The following PDE10A variants were observed in gnomAD, a reference collection of about 807,000 sequenced individuals.
PDE10A encodes the protein cAMP and cAMP-inhibited cGMP 3',5'-cyclic phosphodiesterase 10A.
PDE10A carries 39 observed loss-of-function variants against 97.7 expected under a neutral mutation model. The observed-to-expected ratio is 0.40, with a 90% CI of 0.31 to 0.52. The LOEUF (loss-of-function observed/expected upper bound fraction) is 0.52, where lower values mean the gene tolerates loss of function less well. Ranked by LOEUF, PDE10A falls within the 20% of genes least tolerant of loss-of-function variation. The probability of loss-of-function intolerance (pLI) is 0.56; values close to 1 mark genes in which losing one functional copy is unlikely to be tolerated. For synonymous variants in PDE10A, 371 were observed against 376.8 expected (o/e 0.98, Z 0.18); for missense variants, 731 against 1,047.8 (o/e 0.70, Z 4.17).
intron 1 of PDE10A, among the ~76,000 whole-genome samples, chr6:165,544,018 C>T (rs775766091): frequency 6.6e-6 from 1 of 152,074 alleles, no homozygotes; most frequent in African/African-American, 2.4e-5. Context: ...AGAACCAATG[C>T]TGTACATTAA....
chr6:165,402,595 T>C (rs1240929159), intron 13 of PDE10A, among the ~76,000 whole-genome samples: 5 of 152,126 alleles, frequency 3.3e-5, no homozygotes, highest in African/African-American at 1.2e-4. Flanking sequence ...AGAAGAGAAT[T>C]CTAGCAGAAA....
At chr6:165,343,956 G>T (rs994826358) in intron 18 of PDE10A, among the ~76,000 whole-genome samples, 2 of 152,182 alleles carry the variant, frequency 1.3e-5, no homozygotes, top group Non-Finnish European at 2.9e-5. Context: ...CTTTTCTAAA[G>T]GGACAGGAAT....
chr6:165,695,194 C>G (rs973838210), intron 1 of PDE10A, among the ~76,000 whole-genome samples: 1 of 148,156 alleles, frequency 6.7e-6, no homozygotes, highest in Non-Finnish European at 1.5e-5. Context: ...CCCCAGTGAG[C>G]CTGGTGAAAA....
intron 2 of PDE10A, among the ~76,000 whole-genome samples, chr6:165,520,501 G>A (rs1782066443): frequency 1.3e-5 from 2 of 152,164 alleles, no homozygotes; most frequent in Non-Finnish European, 2.9e-5. Flanking sequence ...GGATGGGCAT[G>A]AGGACAGCTA....
At position 165,876,186 on chromosome 6, in the gene PDE10A, G is replaced by T. The variant is rs555543880; in HGVS notation, c.-615+111343C>A. Among the ~76,000 whole-genome samples, 9 of 152,304 alleles carry T rather than the reference G, an allele frequency of 5.9e-5. 1 individual carries two copies. In the South Asian group the frequency reaches 1.9e-3, roughly 32 times the overall value. ...CTGTTAACAACAGCCTGGGTTTCCT[G>T]AGGCTGCAAGACCAGCAAGAAGGGG... On this transcript the variant is annotated intron_variant, in intron 1 of 19. Transcript: ENST00000366882.
intron 1 of PDE10A, among the ~76,000 whole-genome samples, chr6:165,982,968 C>T (rs1035433403): frequency 1.5e-4 from 23 of 152,146 alleles, no homozygotes; most frequent in African/African-American, 5.6e-4. Context: ...ATAAGTTTAA[C>T]ATTTTATGCT....
exon 1 of PDE10A, chr6:165,987,563 C>T (rs989596834): frequency 7.7e-6 from 3 of 387,970 alleles, no homozygotes; most frequent in Non-Finnish European, 1.0e-5. Context: ...ATCTGCTTTC[C>T]GCTTCATTTC....
intron 1 of PDE10A, among the ~76,000 whole-genome samples, chr6:165,703,800 G>A (rs534096739): frequency 3.9e-5 from 6 of 152,288 alleles, no homozygotes; most frequent in African/African-American, 1.2e-4. Context: ...AGTCCCCCCA[G>A]TAATCAGCTA....
intron 1 of PDE10A, chr6:165,660,139 C>G (rs1790166719): frequency 6.6e-6 from 1 of 152,328 alleles, no homozygotes; most frequent in African/African-American, 2.4e-5. Flanking sequence ...AGGAGGAACC[C>G]CAGTCCTAGA....
At chr6:165,698,996 T>C (rs1791505773) in intron 1 of PDE10A, among the ~76,000 whole-genome samples, 1 of 152,180 alleles carries the variant, frequency 6.6e-6, no homozygotes, top group Non-Finnish European at 1.5e-5. Flanking sequence ...TCAACTATGT[T>C]AATAATAACA....
intron 3 of PDE10A, among the ~76,000 whole-genome samples, chr6:165,479,425 C>G (rs60916470): frequency 0.083 from 12,597 of 152,250 alleles, 659 homozygotes; most frequent in East Asian, 0.26. Flanking sequence ...CTCTGCAGTT[C>G]CTGTCTCCTC....
In PDE10A at chr6:165,913,273, TACACACACACACACACACAC is replaced by T. The variant is rs58740333; in HGVS notation, c.-615+74236_-615+74255del. On this transcript the variant is annotated intron_variant, in intron 1 of 19. Transcript: ENST00000366882. ...ATGTTGAATAAGGACACTCAACTTG[TACACACACACACACACACAC>T]ACACACACACACACACAGAGTCATC... Among the ~76,000 whole-genome samples, 4 of 147,906 alleles carry T rather than the reference TACACACACACACACACACAC, an allele frequency of 2.7e-5. No individual in the cohort carries two copies. In the South Asian group the frequency reaches 8.7e-4, roughly 32 times the overall value.
chr6:165,623,488 G>A (rs1035865242), intron 1 of PDE10A, among the ~76,000 whole-genome samples: 31 of 143,758 alleles, frequency 2.2e-4, no homozygotes, highest in African/African-American at 8.5e-4. Context: ...AGGAATTGAT[G>A]ACAGAGGGAG....
rs566916297 is a variant in PDE10A, at chr6:165,768,036, G to A, written c.-615+219493C>T. Reference sequence around the variant, plus strand: ...GATTTGTATTTCCGTAAAGACTGATGATGTTGAGCATTTTTTCATGTGCCT... The same window carrying A: ...GATTTGTATTTCCGTAAAGACTGATAATGTTGAGCATTTTTTCATGTGCCT... On this transcript the variant is annotated intron_variant, in intron 1 of 19. Coordinates refer to the PDE10A transcript ENST00000366882. Among the ~76,000 whole-genome samples the A allele has an allele frequency of 3.7e-4, 56 of 152,232 alleles. 1 individual carries two copies. In the South Asian group the frequency reaches 0.011, roughly 29 times the overall value.
intron 17 of PDE10A, 99 bp from the exon 18 acceptor site, chr6:165,379,465 T>A: frequency 2.3e-6 from 2 of 876,846 alleles, no homozygotes; most frequent in Non-Finnish European, 3.4e-6. Flanking sequence ...GTCAATGACA[T>A]CTGGCACACT....
intron 1 of PDE10A, among the ~76,000 whole-genome samples, chr6:165,621,341 C>T (rs954550363): frequency 1.3e-5 from 2 of 151,828 alleles, no homozygotes; most frequent in Non-Finnish European, 2.9e-5. Context: ...TAAAGCATTG[C>T]CTATAATGCT....
At chr6:165,557,791 G>C (rs1016720801) in intron 1 of PDE10A, among the ~76,000 whole-genome samples, 5 of 152,116 alleles carry the variant, frequency 3.3e-5, no homozygotes, top group Non-Finnish European at 7.4e-5. Context: ...TATGAGTCAG[G>C]CATTGTATTT....
chr6:165,907,993 G>A (rs1005649487), intron 1 of PDE10A, among the ~76,000 whole-genome samples: 1 of 152,232 alleles, frequency 6.6e-6, no homozygotes, highest in African/African-American at 2.4e-5. Context: ...GAAGAAGAGG[G>A]TGAACTTTAA....
chr6:165,868,955 T>C (rs780193009), intron 1 of PDE10A, among the ~76,000 whole-genome samples: 41 of 151,660 alleles, frequency 2.7e-4, no homozygotes, highest in Non-Finnish European at 5.3e-4. Flanking sequence ...TACCTTATCA[T>C]AATAAAGGCC....
Sources: allele counts gnomAD v4.1 joint callset (sites outside exome capture counted in the v4.1 genomes callset), GRCh38; gene constraint gnomAD v4.1.1; transcripts MANE v1.5; gene names NCBI Gene and HGNC (gene_info 2026-07-23, HGNC 2026-07-21).